Variants in SEMA6A observed in about 807,000 individuals in gnomAD.
SEMA6A encodes the protein semaphorin 6A.
A neutral mutation model predicts 96.8 loss-of-function variants in SEMA6A; 25 were observed. The ratio of observed to expected loss-of-function variants is 0.26; its 90% CI spans 0.19 to 0.36. The LOEUF (loss-of-function observed/expected upper bound fraction) is 0.36. SEMA6A is among the 10% of genes least tolerant of loss of function. SEMA6A has a pLI of 1.00. For synonymous variants in SEMA6A, 612 were observed against 518.0 expected, an observed-to-expected ratio of 1.18 and a Z score of -2.46; for missense variants, 1,363 against 1,323.1, an observed-to-expected ratio of 1.03 and a Z score of -0.47.
At chr5:116,571,673 T>G (rs368150097) in intron 1 of SEMA6A, among the ~76,000 whole-genome samples, 2 of 152,230 alleles carry the variant, frequency 1.3e-5, no homozygotes, top group African/African-American at 2.4e-5. Flanking sequence ...GCAATTATTT[T>G]TTAATAGATA....
chr5:116,481,107 C>T (rs1038759330), intron 11 of SEMA6A, among the ~76,000 whole-genome samples: 1 of 152,136 alleles, frequency 6.6e-6, no homozygotes, highest in Non-Finnish European at 1.5e-5. Context: ...CAGCCAGCCC[C>T]GTAGAGCATC....
At chr5:116,549,343 A>G (rs1760309566) in intron 1 of SEMA6A, among the ~76,000 whole-genome samples, 1 of 152,138 alleles carries the variant, frequency 6.6e-6, no homozygotes, top group Non-Finnish European at 1.5e-5. Context: ...AAGCCTGGAG[A>G]GGAGAGATTA....
Position 116,446,521 on chromosome 5 carries a change from GGTGGGTACTC to G in SEMA6A, c.*82_*91del, listed in dbSNP as rs1220179158. On this transcript the variant is annotated 3_prime_UTR_variant, in exon 19 of 19. Coordinates refer to ENST00000343348, the MANE Select transcript of SEMA6A (RefSeq NM_020796.5). ...GCTCTGCCGCAGGCCTTCTTGGTCT[GGTGGGTACTC>G]GAGGCAGTTGAGAACCTTGCTGAGC... 61 of 1,110,074 alleles carry G rather than the reference GGTGGGTACTC, an allele frequency of 5.5e-5. No homozygotes were observed. Among genetic ancestry groups the G allele is most frequent in the Non-Finnish European group, 7.1e-5 (57 of 801,488 alleles). The allele number at this position is 1,110,074 out of a possible 1,614,324, so 68.8% of individuals were successfully genotyped here.
At chr5:116,512,476 GATAATAATAA>G (rs1411849157) in intron 1 of SEMA6A, among the ~76,000 whole-genome samples, 1 of 151,862 alleles carries the variant, frequency 6.6e-6, no homozygotes, top group Non-Finnish European at 1.5e-5. Flanking sequence ...TTCAATGGAG[GATAATAATAA>G]ATATCGACTG....
intron 1 of SEMA6A, among the ~76,000 whole-genome samples, chr5:116,552,680 C>T (rs1383840301): frequency 6.6e-6 from 1 of 152,118 alleles, no homozygotes; most frequent in Non-Finnish European, 1.5e-5. Context: ...AGGTTCAAAA[C>T]CGATCTATTT....
chr5:116,551,769 C>G (rs556977548), intron 1 of SEMA6A, among the ~76,000 whole-genome samples: 1 of 152,170 alleles, frequency 6.6e-6, no homozygotes, highest in Non-Finnish European at 1.5e-5. Flanking sequence ...TCTCAGAGGT[C>G]GTAATCACAA....
chr5:116,516,490 G>GT lies in SEMA6A; in HGVS notation c.-38-11509dup, dbSNP rs200279582. ...TTATTAAATTTGATAGATATTTCAG[G>GT]TTTTTTTTTCTGAAAATTACTAATA... On this transcript the variant is annotated intron_variant, in intron 1 of 18. Transcript: ENST00000343348. 3.4e-3 allele frequency among the ~76,000 whole-genome samples: 518 copies of GT among 150,762 alleles called. 3 individuals are homozygous for GT. The highest frequency in any genetic ancestry group is 0.011 in the African/African-American group (470 of 41,096).
chr5:116,502,093 G>T (rs6885854), intron 3 of SEMA6A, 117 bp downstream of exon 3: 155,466 of 736,628 alleles, frequency 0.21, 17,106 homozygotes, highest in Admixed American at 0.29. Context: ...GAGGCTTTAA[G>T]TTAAATAACA....
At chr5:116,549,789 A>G (rs961012470) in intron 1 of SEMA6A, among the ~76,000 whole-genome samples, 1 of 152,194 alleles carries the variant, frequency 6.6e-6, no homozygotes, top group Non-Finnish European at 1.5e-5. Context: ...TGTACAAATT[A>G]TAACACTTTT....
intron 1 of SEMA6A, among the ~76,000 whole-genome samples, chr5:116,562,071 G>A (rs572911456): frequency 2.5e-4 from 38 of 152,204 alleles, no homozygotes; most frequent in Non-Finnish European, 3.8e-4. Flanking sequence ...GACAAAGGTG[G>A]GATCATGCAA....
chr5:116,530,821 A>G (rs923971896), intron 1 of SEMA6A, among the ~76,000 whole-genome samples: 34 of 152,322 alleles, frequency 2.2e-4, no homozygotes, highest in African/African-American at 8.2e-4. Context: ...TATTTTCAAA[A>G]AAGCTCTCTC....
intron 18 of SEMA6A, among the ~76,000 whole-genome samples, chr5:116,448,863 C>CATTTGGG (rs1421760451): frequency 1.3e-5 from 2 of 151,114 alleles, no homozygotes; most frequent in African/African-American, 4.9e-5. Context: ...GAAATAAGAC[C>CATTTGGG]ATTTGGGGCC....
intron 1 of SEMA6A, among the ~76,000 whole-genome samples, chr5:116,535,786 G>A (rs1580487526): frequency 6.6e-6 from 1 of 152,312 alleles, no homozygotes; most frequent in East Asian, 1.9e-4. Context: ...TTGTAAAACA[G>A]ATTACACCTA....
intron 1 of SEMA6A, among the ~76,000 whole-genome samples, chr5:116,539,618 TA>T (rs1759876960): frequency 6.6e-6 from 1 of 151,610 alleles, no homozygotes; most frequent in African/African-American, 2.4e-5. Flanking sequence ...TGTGTGTGTG[TA>T]CTTTCTTTAA....
Position 116,511,933 on chromosome 5 carries a change from A to C in SEMA6A, c.-38-6951T>G, listed in dbSNP as rs140914713. Reference sequence around the variant, plus strand: ...GCTGATAGGATAAACAGATGTGGACATATCTCAAGTGAGTAAGGAACCTCT... The same window carrying C: ...GCTGATAGGATAAACAGATGTGGACCTATCTCAAGTGAGTAAGGAACCTCT... On this transcript the variant is annotated intron_variant, in intron 1 of 18. Transcript: ENST00000343348. Among the ~76,000 whole-genome samples, 301 of 152,358 alleles carry C rather than the reference A, an allele frequency of 2.0e-3. 1 individual carries two copies. Among genetic ancestry groups the C allele is most frequent in the African/African-American group, 6.8e-3 (281 of 41,586 alleles).
At chr5:116,502,782 G>A (rs1757949073) in intron 2 of SEMA6A, 1 of 157,226 alleles carries the variant, frequency 6.4e-6, no homozygotes, top group Non-Finnish European at 1.4e-5. Context: ...GGAGGCGAGA[G>A]CCCTTGTCCA....
chr5:116,489,937 T>C (rs565927628), intron 7 of SEMA6A, among the ~76,000 whole-genome samples: 1 of 152,326 alleles, frequency 6.6e-6, no homozygotes, highest in Admixed American at 6.5e-5. Flanking sequence ...ACTTCCGTGA[T>C]TCACTTTTAG....
At chr5:116,478,502 A>G (rs753140759) in intron 13 of SEMA6A, 40 bp downstream of exon 13, 1 of 1,544,978 alleles carries the variant, frequency 6.5e-7, no homozygotes, top group Non-Finnish European at 8.8e-7. Flanking sequence ...ATAATAGCAT[A>G]ACAAATAATT....
At chr5:116,480,700 G>A (rs1308110084) in intron 11 of SEMA6A, among the ~76,000 whole-genome samples, 1 of 149,436 alleles carries the variant, frequency 6.7e-6, no homozygotes, top group East Asian at 1.9e-4. Flanking sequence ...AGTGTAGAAA[G>A]AAAAGACTCT....
Sources: allele counts gnomAD v4.1 joint callset (sites outside exome capture counted in the v4.1 genomes callset), GRCh38; gene constraint gnomAD v4.1.1; transcripts MANE v1.5; gene names NCBI Gene and HGNC (gene_info 2026-07-23, HGNC 2026-07-21).